Variants in PI4KA observed in about 807,000 individuals in gnomAD.
PI4KA encodes phosphatidylinositol 4-kinase alpha, also known as PI4-kinase alpha.
In PI4KA, 122 loss-of-function variants were observed where a neutral mutation model predicts 271.4. The ratio of observed to expected loss-of-function variants is 0.45; its 90% CI spans 0.39 to 0.52. PI4KA has a LOEUF of 0.52. Among genes scored for constraint, PI4KA ranks in the 20% least tolerant of loss-of-function variants. The pLI, the probability that PI4KA is intolerant of heterozygous loss-of-function variation, is 0.00. For synonymous variants in PI4KA, 1,041 were observed against 1,078.8 expected, an observed-to-expected ratio of 0.96 and a Z score of 0.69; for missense variants, 1,969 against 2,769.1, an observed-to-expected ratio of 0.71 and a Z score of 6.48.
At chr22:20,784,468 C>G (rs1934049158) in intron 19 of PI4KA, among the ~76,000 whole-genome samples, 1 of 152,150 alleles carries the variant, frequency 6.6e-6, no homozygotes, top group Non-Finnish European at 1.5e-5. Flanking sequence ...GGGCCAGTTT[C>G]AGAAGTTAGA....
intron 10 of PI4KA, among the ~76,000 whole-genome samples, chr22:20,807,150 C>G (rs1935701324): frequency 6.6e-6 from 1 of 152,170 alleles, no homozygotes. Context: ...AGCAAAGGAG[C>G]CATCATCGAT....
At chr22:20,843,870 C>T (rs1925910771) in intron 1 of PI4KA, among the ~76,000 whole-genome samples, 1 of 152,200 alleles carries the variant, frequency 6.6e-6, no homozygotes, top group Non-Finnish European at 1.5e-5. Context: ...TCAGTGCACA[C>T]TCCCAGCCCC....
intron 10 of PI4KA, among the ~76,000 whole-genome samples, chr22:20,807,057 T>C (rs186675645): frequency 6.6e-6 from 1 of 152,296 alleles, no homozygotes; most frequent in Admixed American, 6.5e-5. Context: ...TTTTAAACTA[T>C]CTAAATGGAT....
chr22:20,739,142 G>A (rs968945953), intron 32 of PI4KA, among the ~76,000 whole-genome samples: 3 of 151,158 alleles, frequency 2.0e-5, no homozygotes, highest in African/African-American at 4.9e-5. Context: ...TCAGGAGATC[G>A]AGACCATCCT....
chr22:20,800,504 TG>T lies in PI4KA; in HGVS notation c.1725-739del, dbSNP rs1935232750. ...AAGAAAATATGATGATACGTTACTC[TG>T]GATGTTGAGCTAATGGATAATCCTT... On this transcript the variant is annotated intron_variant, in intron 14 of 54. Transcript: ENST00000255882. Among the ~76,000 whole-genome samples the T allele has an allele frequency of 7.2e-5, 11 of 152,120 alleles. No individual in the cohort carries two copies. The South Asian group carries it at 2.3e-3, about 32-fold the overall frequency.
chr22:20,721,154 G>T (rs889061484), intron 43 of PI4KA, 144 bp downstream of exon 43: 4 of 807,966 alleles, frequency 5.0e-6, no homozygotes, highest in Non-Finnish European at 8.4e-6. Context: ...GCTGAAAGGT[G>T]AGAAGTGCCC....
intron 19 of PI4KA, chr22:20,785,852 A>G (rs998021496): frequency 1.8e-6 from 2 of 1,101,494 alleles, no homozygotes; most frequent in African/African-American, 3.1e-5. Flanking sequence ...GCTTCCTAAA[A>G]TCCTCAACTG....
intron 9 of PI4KA, among the ~76,000 whole-genome samples, chr22:20,808,485 A>G (rs1475753316): frequency 9.0e-6 from 1 of 110,504 alleles, no homozygotes; most frequent in African/African-American, 4.0e-5. Context: ...CCCAGCTACT[A>G]AGGAGGCTGA....
rs1370655294 is a variant in PI4KA, at chr22:20,811,028, T to G, written c.1010A>C (p.Lys337Thr). Reference sequence around the variant, plus strand: ...GAGAACAGCCTCCTCAACGATCTTCTTCACCTACCAAGGAAACAGAACCTC... The same window carrying G: ...GAGAACAGCCTCCTCAACGATCTTCGTCACCTACCAAGGAAACAGAACCTC... ...EMLRELLNLV[K>T]KIVEEAVLKS... The change falls in exon 9 of 55, where the codon AAG (lysine) becomes ACG (threonine). Residue 337 changes from lysine to threonine, a missense_variant. Coordinates refer to ENST00000255882, the MANE Select transcript of PI4KA (RefSeq NM_058004.4). 3.7e-6 allele frequency: 6 copies of G among 1,612,324 alleles called. No individual in the cohort carries two copies. The highest frequency in any genetic ancestry group is 5.1e-6 in the Non-Finnish European group (6 of 1,178,444).
intron 35 of PI4KA, 55 bp from the exon 36 acceptor site, chr22:20,733,153 G>A: frequency 1.2e-6 from 2 of 1,600,210 alleles, no homozygotes; most frequent in South Asian, 1.1e-5. Flanking sequence ...GGGACTAGAG[G>A]CCAGTCACAC....
chr22:20,748,385 C>G (rs1248625927), intron 28 of PI4KA, among the ~76,000 whole-genome samples: 1 of 152,170 alleles, frequency 6.6e-6, no homozygotes, highest in African/African-American at 2.4e-5. Context: ...AGCCTCGGTT[C>G]TCTACTGCAG....
At chr22:20,746,038 CAAAA>C (rs11330592) in intron 29 of PI4KA, among the ~76,000 whole-genome samples, 4 of 60,364 alleles carry the variant, frequency 6.6e-5, no homozygotes, top group Non-Finnish European at 8.4e-5. Context: ...GGGGTTTCAT[CAAAA>C]AAAAAAAAAA....
rs533703518 is a variant in PI4KA at position 20,835,726 on chromosome 22, T to C, written c.274-1071A>G. On this transcript the variant is annotated intron_variant, in intron 2 of 54. Transcript: ENST00000255882. Reference sequence around the variant, plus strand: ...CAGCCTGCGCAAGAGAGTGAAATCCTGTCTCGAAAAAAATTAAAACATAAA... The same window carrying C: ...CAGCCTGCGCAAGAGAGTGAAATCCCGTCTCGAAAAAAATTAAAACATAAA... Among the ~76,000 whole-genome samples the C allele has an allele frequency of 1.4e-4, 21 of 149,114 alleles. 1 individual carries two copies. In the South Asian group the frequency reaches 4.1e-3, roughly 29 times the overall value.
At chr22:20,739,488 GA>G (rs904793695) in intron 32 of PI4KA, among the ~76,000 whole-genome samples, 2 of 145,036 alleles carry the variant, frequency 1.4e-5, no homozygotes, top group Non-Finnish European at 3.0e-5. Context: ...AAAAACAAAA[GA>G]AAAAAAATAA....
At chr22:20,779,597 C>G in intron 19 of PI4KA, 1 of 1,614,172 alleles carries the variant, frequency 6.2e-7, no homozygotes, top group Non-Finnish European at 8.5e-7. Context: ...ACATCGACAT[C>G]GTCGACAGTC....
chr22:20,729,124 G>A (rs567349327), intron 39 of PI4KA, among the ~76,000 whole-genome samples, 189 bp downstream of exon 39: 2 of 152,304 alleles, frequency 1.3e-5, no homozygotes, highest in East Asian at 3.9e-4. Flanking sequence ...AAAAGATCAC[G>A]AGGGTTGCTG....
chr22:20,814,959 C>T (rs957359545), intron 7 of PI4KA, among the ~76,000 whole-genome samples: 1 of 151,774 alleles, frequency 6.6e-6, no homozygotes, highest in African/African-American at 2.4e-5. Flanking sequence ...GAGTTTGAGA[C>T]CAGCCTGGGC....
chr22:20,728,927 T>C (rs1217905160), intron 39 of PI4KA, among the ~76,000 whole-genome samples: 1 of 152,070 alleles, frequency 6.6e-6, no homozygotes, highest in Non-Finnish European at 1.5e-5. Flanking sequence ...CTCCAAATAC[T>C]CTGCCACTGA....
intron 8 of PI4KA, among the ~76,000 whole-genome samples, chr22:20,811,442 T>C (rs991822866): frequency 1.3e-5 from 2 of 152,148 alleles, no homozygotes; most frequent in Admixed American, 1.3e-4. Context: ...TTGGAGCTCA[T>C]GGCACCTCCT....
Sources: allele counts gnomAD v4.1 joint callset (sites outside exome capture counted in the v4.1 genomes callset), GRCh38; gene constraint gnomAD v4.1.1; transcripts MANE v1.5; gene names NCBI Gene and HGNC (gene_info 2026-07-23, HGNC 2026-07-21).